SCIMP: variants seen among roughly 807,000 people sequenced by gnomAD.
SCIMP encodes SLP adaptor and CSK interacting membrane protein, also known as SLP adapter and CSK-interacting membrane protein.
A neutral mutation model predicts 22.0 loss-of-function variants in SCIMP; 18 were observed. The ratio of observed to expected loss-of-function variants is 0.82; its 90% CI spans 0.56 to 1.21. The LOEUF is 1.21. Among genes scored for constraint, SCIMP ranks in the 50% most tolerant of loss-of-function variants. SCIMP has a pLI of 0.00. For synonymous variants in SCIMP, 53 were observed against 62.2 expected, an observed-to-expected ratio of 0.85 and a Z score of 0.70; for missense variants, 155 against 171.2, an observed-to-expected ratio of 0.91 and a Z score of 0.53.
At chr17:5,222,292 C>T (rs774474119) in intron 2 of SCIMP, among the ~76,000 whole-genome samples, 6 of 151,878 alleles carry the variant, frequency 4.0e-5, no homozygotes, top group Non-Finnish European at 7.4e-5. Context: ...GGGGTTTCAC[C>T]GTGTTAGCCA....
At chr17:5,229,910 C>T (rs1251625871) in intron 1 of SCIMP, among the ~76,000 whole-genome samples, 4 of 149,774 alleles carry the variant, frequency 2.7e-5, no homozygotes, top group African/African-American at 9.8e-5. Flanking sequence ...CTCCGGTCCT[C>T]TCCTCTCTCC....
At chr17:5,216,824 G>A (rs1567838783) in intron 3 of SCIMP, among the ~76,000 whole-genome samples, 1 of 152,062 alleles carries the variant, frequency 6.6e-6, no homozygotes, top group Non-Finnish European at 1.5e-5. Flanking sequence ...CAGTGACCTG[G>A]GTCTGTTGAG....
chr17:5,231,316 C>T (rs552713098), intron 1 of SCIMP, among the ~76,000 whole-genome samples: 8 of 151,152 alleles, frequency 5.3e-5, no homozygotes, highest in African/African-American at 1.2e-4. Flanking sequence ...TCCAGGATCA[C>T]GCCATTGCAC....
intron 1 of SCIMP, among the ~76,000 whole-genome samples, chr17:5,229,405 T>C (rs1417214920): frequency 1.4e-5 from 2 of 141,458 alleles, no homozygotes; most frequent in African/African-American, 5.3e-5. Flanking sequence ...TTTTTTTTTT[T>C]TTTTTTGAGA....
At chr17:5,232,364 G>GTAAACAGTGAAGTA (rs2074705427) in intron 1 of SCIMP, among the ~76,000 whole-genome samples, 1 of 7,154 alleles carries the variant, frequency 1.4e-4, no homozygotes, top group Non-Finnish European at 3.4e-4. Context: ...ACAGTGCAGT[G>GTAAACAGTGAAGTA]TAAACAGTGC....
chr17:5,225,559 G>A (rs1317219517), intron 1 of SCIMP, among the ~76,000 whole-genome samples: 4 of 151,902 alleles, frequency 2.6e-5, no homozygotes, highest in Non-Finnish European at 5.9e-5. Context: ...TCAGGAGTTC[G>A]AAACCAGCTT....
chr17:5,210,434 A>G lies in SCIMP; in HGVS notation c.*367T>C, dbSNP rs1000743809. ...CTGCACAACCAAATGCTGAGATTTA[A>G]TATCACTCAGAACCATGCAAACCAA... On this transcript the variant is annotated 3_prime_UTR_variant, in exon 5 of 5. Transcript: ENST00000574081. 10 of 173,250 alleles carry G rather than the reference A, an allele frequency of 5.8e-5. No individual in the cohort carries two copies. The highest frequency in any genetic ancestry group is 2.7e-3 in the Middle Eastern group (1 of 366). 10.7% of individuals were successfully genotyped at this position (173,250 alleles called of 1,614,324 possible).
In SCIMP at chr17:5,210,528, T is replaced by C; in HGVS notation, c.*273A>G. On this transcript the variant is annotated 3_prime_UTR_variant, in exon 5 of 5. Transcript: ENST00000574081. Reference sequence around the variant, plus strand: ...CACAGGTGGGAGCCATGGAGCCCCGTGGTCCTTCCCATGGAAAGTTTCCTC... The same window carrying C: ...CACAGGTGGGAGCCATGGAGCCCCGCGGTCCTTCCCATGGAAAGTTTCCTC... The C allele has an allele frequency of 2.9e-6, 1 of 343,002 alleles. No individual in the cohort carries two copies. Among genetic ancestry groups the C allele is most frequent in the Non-Finnish European group, 5.2e-6 (1 of 190,514 alleles). The allele number at this position is 343,002 out of a possible 1,614,324, so 21.2% of individuals were successfully genotyped here.
intron 4 of SCIMP, 106 bp from the exon 5 acceptor site, chr17:5,211,061 C>T: frequency 6.8e-7 from 1 of 1,468,376 alleles, no homozygotes; most frequent in African/African-American, 1.4e-5. Context: ...CTTCCCACTT[C>T]TAGTGGGCCA....
At chr17:5,225,587 C>T (rs1905277565) in intron 1 of SCIMP, among the ~76,000 whole-genome samples, 1 of 151,974 alleles carries the variant, frequency 6.6e-6, no homozygotes, top group African/African-American at 2.4e-5. Flanking sequence ...ATGGTGAAAC[C>T]CCTTCTCTAC....
chr17:5,210,654 T>C lies in SCIMP; in HGVS notation c.*147A>G. On this transcript the variant is annotated 3_prime_UTR_variant, in exon 5 of 5. Coordinates refer to ENST00000574081, the MANE Select transcript of SCIMP (RefSeq NM_207103.3). ...CGCAGGGGTGTCTTCATCTAAGGTT[T>C]GGGAAGTGCTTTATCTTATAGAGCT... 9.4e-7 allele frequency: 1 copy of C among 1,058,410 alleles called. No individual in the cohort carries two copies. The highest frequency in any genetic ancestry group is 1.7e-5 in the South Asian group (1 of 57,208). The allele number at this position is 1,058,410 out of a possible 1,614,324, so 65.6% of individuals were successfully genotyped here. A position where few individuals can be genotyped will look rare whatever the true frequency, so the allele number is the denominator to read the frequency against.
In SCIMP at chr17:5,232,348, A is replaced by G. The variant is rs78455695; in HGVS notation, c.21+2387T>C. Among the ~76,000 whole-genome samples, 5 of 34,462 alleles carry G rather than the reference A, an allele frequency of 1.5e-4. No homozygotes were observed. In the East Asian group the frequency reaches 5.4e-3, roughly 37 times the overall value. The allele number at this position is 34,462 out of a possible 152,430, so 22.6% of individuals were successfully genotyped here. On this transcript the variant is annotated intron_variant, in intron 1 of 4. Coordinates refer to ENST00000574081, the MANE Select transcript of SCIMP (RefSeq NM_207103.3). ...TGTGGGGGACTAAGAAAGGGGTGGAATATAAACAGTGCAGTGTAAACAGTG... is the reference window on the plus strand; with the variant it reads ...TGTGGGGGACTAAGAAAGGGGTGGAGTATAAACAGTGCAGTGTAAACAGTG...
chr17:5,214,805 A>C, intron 4 of SCIMP, 120 bp downstream of exon 4: 2 of 612,680 alleles, frequency 3.3e-6, no homozygotes, highest in Non-Finnish European at 5.7e-6. Context: ...GTGCCATTGC[A>C]CTCCAGCCTG....
chr17:5,229,251 G>A (rs2074674944), intron 1 of SCIMP, among the ~76,000 whole-genome samples: 1 of 152,134 alleles, frequency 6.6e-6, no homozygotes, highest in African/African-American at 2.4e-5. Context: ...GAGGGCGTGT[G>A]AGTGGGAGAG....
intron 1 of SCIMP, among the ~76,000 whole-genome samples, chr17:5,232,433 G>A (rs371956643): frequency 6.6e-5 from 10 of 151,438 alleles, no homozygotes; most frequent in South Asian, 2.1e-4. Context: ...TGTAAACAGC[G>A]CAGTGTAAAC....
At chr17:5,234,186 GCT>G (rs1346167328) in intron 1 of SCIMP, among the ~76,000 whole-genome samples, 1 of 152,108 alleles carries the variant, frequency 6.6e-6, no homozygotes, top group Non-Finnish European at 1.5e-5. Context: ...CAGGAGAATC[GCT>G]TGAACCCGGG....
At chr17:5,211,174 A>G (rs2074523561) in intron 4 of SCIMP, among the ~76,000 whole-genome samples, 1 of 152,226 alleles carries the variant, frequency 6.6e-6, no homozygotes, top group Non-Finnish European at 1.5e-5. Flanking sequence ...TGACTCCCGT[A>G]TCTTTCTGCC....
intron 4 of SCIMP, 46 bp downstream of exon 4, chr17:5,214,879 C>T (rs758156998): frequency 2.2e-5 from 18 of 811,542 alleles, no homozygotes; most frequent in Admixed American, 1.9e-4. Context: ...TTGATAAACT[C>T]GTTATCTTAC....
intron 1 of SCIMP, chr17:5,233,701 A>C (rs11078551): frequency 0.45 from 67,817 of 152,258 alleles, 18,070 homozygotes; most frequent in Non-Finnish European, 0.61. Context: ...CCACTGAAGC[A>C]GAGTGAAGCC....
Sources: gnomAD v4.1 joint callset for allele counts (sites outside exome capture counted in the v4.1 genomes callset) on GRCh38, gnomAD v4.1.1 for gene constraint, MANE v1.5 for transcripts, NCBI Gene and HGNC (gene_info 2026-07-23, HGNC 2026-07-21) for gene names.